GNG4: variants seen among roughly 807,000 people sequenced by gnomAD.
GNG4 encodes guanine nucleotide-binding protein G(I)/G(S)/G(O) subunit gamma-4.
Under a neutral mutation model 5.8 loss-of-function variants are expected in GNG4, and 4 were observed. The observed-to-expected ratio is 0.69, with a 90% CI of 0.34 to 1.57. The LOEUF (loss-of-function observed/expected upper bound fraction) is 1.57. Among genes scored for constraint, GNG4 ranks in the 40% most tolerant of loss-of-function variants. The pLI is 0.06. For synonymous variants in GNG4, 29 were observed against 32.9 expected, an observed-to-expected ratio of 0.88 and a Z score of 0.41; for missense variants, 96 against 95.1, an observed-to-expected ratio of 1.01 and a Z score of -0.04.
chr1:235,552,667 C>G (rs1253692738), intron 3 of GNG4, among the ~76,000 whole-genome samples: 1 of 152,244 alleles, frequency 6.6e-6, no homozygotes, highest in African/African-American at 2.4e-5. Flanking sequence ...GCAATCCACT[C>G]TTGTGACCAA....
At chr1:235,565,667 G>C (rs72759795) in intron 3 of GNG4, 17,316 of 152,240 alleles carry the variant, frequency 0.11, 1,469 homozygotes, top group African/African-American at 0.23. Context: ...GGAGTTGAGA[G>C]CAGTCTGGCA....
At position 235,552,140 on chromosome 1, in the gene GNG4, C is replaced by T. The variant is rs756924811; in HGVS notation, c.197G>A (p.Arg66His). Residue 66 changes from arginine (R) to histidine (H), a missense_variant, in exon 4 of 4, where the codon CGC (arginine) becomes CAC (histidine). By Grantham distance (29) the Arg-to-His change is conservative. Transcript: ENST00000391854. ...IPVPASENPF[R>H]EKKFFCTIL ...AATGGTACAAAAGAACTTCTTCTCG[C>T]GAAAGGGGTTTTCTGATGCAGGCAC... 4.3e-6 allele frequency: 7 copies of T among 1,613,960 alleles called. No individual in the cohort carries two copies. The highest frequency in any genetic ancestry group is 2.7e-5 in the African/African-American group (2 of 75,012).
chr1:235,594,416 C>T (rs190550023), intron 2 of GNG4, among the ~76,000 whole-genome samples: 1 of 152,366 alleles, frequency 6.6e-6, no homozygotes, highest in African/African-American at 2.4e-5. Flanking sequence ...GCCTGCCAGT[C>T]CCATGCCATG....
chr1:235,593,926 C>T (rs1178790209), intron 2 of GNG4, among the ~76,000 whole-genome samples: 3 of 152,286 alleles, frequency 2.0e-5, no homozygotes, highest in South Asian at 4.2e-4. Context: ...TGCATGGGGA[C>T]CCAAGCAGAT....
intron 1 of GNG4, among the ~76,000 whole-genome samples, chr1:235,634,207 G>A (rs908076393): frequency 2.6e-5 from 4 of 152,214 alleles, no homozygotes; most frequent in African/African-American, 9.7e-5. Flanking sequence ...TGTCACGAGT[G>A]GTTACTGTCT....
intron 2 of GNG4, among the ~76,000 whole-genome samples, chr1:235,591,891 G>A (rs867565833): frequency 3.3e-5 from 5 of 152,224 alleles, no homozygotes; most frequent in Admixed American, 2.6e-4. Context: ...CCCGTTGTAC[G>A]GGTCTGTGGG....
intron 2 of GNG4, among the ~76,000 whole-genome samples, chr1:235,585,523 CGTGT>C (rs781412464): frequency 4.2e-4 from 64 of 152,186 alleles, no homozygotes; most frequent in Non-Finnish European, 7.5e-4. Flanking sequence ...AAAAAGATAA[CGTGT>C]GTGTGCTTTT....
intron 1 of GNG4, among the ~76,000 whole-genome samples, chr1:235,625,595 C>T (rs1468599743): frequency 6.6e-6 from 1 of 152,198 alleles, no homozygotes; most frequent in African/African-American, 2.4e-5. Context: ...ACATTCAGAG[C>T]AGGAGGTGCC....
rs1212862930 is a variant in GNG4 at position 235,648,741 on chromosome 1, G to A, written c.-123+921C>T. Among the ~76,000 whole-genome samples the A allele has an allele frequency of 2.0e-5, 3 of 152,240 alleles. No individual in the cohort carries two copies. The highest frequency in any genetic ancestry group is 7.2e-5 in the African/African-American group (3 of 41,472). On this transcript the variant is annotated intron_variant, in intron 1 of 3. Transcript: ENST00000391854. The surrounding 1 kb of genome is among the most constrained non-coding windows in gnomAD (Gnocchi z 5.0). ...TCCGGCTGAGAGGCACGGGCCCGGT[G>A]CCAGCATTTGACAGTCCTGGGAGGC...
chr1:235,582,471 G>A (rs959952789), intron 3 of GNG4, among the ~76,000 whole-genome samples: 10 of 152,132 alleles, frequency 6.6e-5, no homozygotes, highest in Admixed American at 2.0e-4. Context: ...GGAGACTGTC[G>A]CCTTCACATT....
At chr1:235,608,244 C>T (rs1255653124) in intron 1 of GNG4, among the ~76,000 whole-genome samples, 2 of 152,042 alleles carry the variant, frequency 1.3e-5, no homozygotes, top group East Asian at 1.9e-4. Flanking sequence ...CCAGGAAATG[C>T]TGTTTCTAAA....
At chr1:235,567,353 T>C (rs1309652204) in intron 3 of GNG4, among the ~76,000 whole-genome samples, 6 of 152,196 alleles carry the variant, frequency 3.9e-5, no homozygotes, top group Non-Finnish European at 8.8e-5. Context: ...TAACTATTTT[T>C]AAGTATATAG....
At chr1:235,558,821 G>A (rs192982579) in intron 3 of GNG4, among the ~76,000 whole-genome samples, 12 of 152,258 alleles carry the variant, frequency 7.9e-5, no homozygotes, top group East Asian at 3.9e-4. Context: ...GTGCCTCCCC[G>A]TCTTAGTATT....
At chr1:235,592,130 C>T (rs1040100919) in intron 2 of GNG4, among the ~76,000 whole-genome samples, 4 of 152,174 alleles carry the variant, frequency 2.6e-5, no homozygotes, top group African/African-American at 9.7e-5. Context: ...AACCCGGCCC[C>T]CTACGGAATG....
chr1:235,605,181 A>C (rs565878566), intron 1 of GNG4, among the ~76,000 whole-genome samples: 1 of 151,876 alleles, frequency 6.6e-6, no homozygotes, highest in Admixed American at 6.6e-5. Context: ...GTGGAGGTGG[A>C]ATATGATTCC....
Position 235,644,612 on chromosome 1 carries a change from G to C in GNG4, c.-123+5050C>G, listed in dbSNP as rs754904435. 6.6e-6 allele frequency among the ~76,000 whole-genome samples: 1 copy of C among 152,242 alleles called. No individual in the cohort carries two copies. The highest frequency in any genetic ancestry group is 1.5e-5 in the Non-Finnish European group (1 of 68,048). On this transcript the variant is annotated intron_variant, in intron 1 of 3. Coordinates refer to ENST00000391854, the MANE Select transcript of GNG4 (RefSeq NM_001098722.2). This position sits in a 1 kb window ranked among gnomAD's most constrained non-coding sequence, Gnocchi z 5.9. ...GGGATAAACAAGCACCTTCAGACTA[G>C]AGCAGCTTCTGAGTGATACGCAAAG... is the stretch of plus-strand genomic sequence containing the variant.
intron 3 of GNG4, among the ~76,000 whole-genome samples, chr1:235,565,251 A>G (rs2102921853): frequency 6.6e-6 from 1 of 152,186 alleles, no homozygotes; most frequent in South Asian, 2.1e-4. Context: ...CTGTAATCCC[A>G]GCAATTTGGG....
intron 2 of GNG4, among the ~76,000 whole-genome samples, chr1:235,588,603 C>CG (rs1687885892): frequency 6.6e-6 from 1 of 152,096 alleles, no homozygotes. Flanking sequence ...GAGACCCCCC[C>CG]CACTAAACTC....
chr1:235,568,344 G>A (rs1156402152), intron 3 of GNG4, among the ~76,000 whole-genome samples: 2 of 151,908 alleles, frequency 1.3e-5, no homozygotes, highest in Non-Finnish European at 2.9e-5. Context: ...ATCCAGCCAT[G>A]TGCAAGACCC....
Sources: allele counts gnomAD v4.1 joint callset (sites outside exome capture counted in the v4.1 genomes callset), GRCh38; gene constraint gnomAD v4.1.1; non-coding constraint Gnocchi (gnomAD v3.1); transcripts MANE v1.5; gene names NCBI Gene and HGNC (gene_info 2026-07-23, HGNC 2026-07-21).